Variants in RARB observed in about 807,000 individuals in gnomAD.
RARB encodes the protein retinoic acid receptor beta.
A neutral mutation model predicts 51.9 loss-of-function variants in RARB; 17 were observed. That is an observed-to-expected ratio of 0.33 (90% CI 0.22 to 0.49). RARB has a LOEUF of 0.49. RARB is among the 20% of genes least tolerant of loss of function. The probability of loss-of-function intolerance (pLI) is 0.99; values close to 1 mark genes in which losing one functional copy is unlikely to be tolerated. For missense variants in RARB, 369 were observed against 550.8 expected (o/e 0.67, Z 3.30); for synonymous variants, 215 against 195.4 (o/e 1.10, Z -0.84).
intron 1 of RARB, among the ~76,000 whole-genome samples, chr3:24,844,424 G>T (rs76706747): frequency 4.9e-4 from 74 of 152,238 alleles, no homozygotes; most frequent in African/African-American, 1.6e-3. Context: ...ATTTTCCCAC[G>T]TCTGCAACTA....
At chr3:24,991,869 G>T (rs1468186867) in intron 2 of RARB, among the ~76,000 whole-genome samples, 2 of 151,734 alleles carry the variant, frequency 1.3e-5, no homozygotes, top group African/African-American at 4.8e-5. Context: ...CTTGGTACCA[G>T]TCTGTTCCCT....
chr3:24,992,843 T>C (rs1038390168), intron 2 of RARB, among the ~76,000 whole-genome samples: 2 of 151,994 alleles, frequency 1.3e-5, no homozygotes, highest in South Asian at 2.1e-4. Context: ...CATTTTGAAG[T>C]AGCATTAGGG....
rs58891196 is a variant in RARB at position 25,491,940 on chromosome 3, C to CAA, written c.307-9228_307-9227dup. 4.9e-5 allele frequency among the ~76,000 whole-genome samples: 7 copies of CAA among 143,384 alleles called. 1 individual carries two copies. The highest frequency in any genetic ancestry group is 1.7e-4 in the African/African-American group (7 of 40,268). 94.1% of individuals were successfully genotyped at this position (143,384 alleles called of 152,430 possible). On this transcript the variant is annotated intron_variant, in intron 2 of 7. Transcript: ENST00000330688. ...TGGGCAACAAAGTGAGACTCTGTCTCAAAAAAAAAAAAAAATTATAAAATT... is the reference window on the plus strand; with the variant it reads ...TGGGCAACAAAGTGAGACTCTGTCTCAAAAAAAAAAAAAAAAATTATAAAATT...
At chr3:25,210,157 C>T (rs1451597947) in intron 5 of RARB, among the ~76,000 whole-genome samples, 1 of 152,128 alleles carries the variant, frequency 6.6e-6, no homozygotes, top group African/African-American at 2.4e-5. Context: ...TAGATACTAG[C>T]TAGCAGAAAA....
At chr3:25,226,705 A>G (rs1402945391) in intron 5 of RARB, among the ~76,000 whole-genome samples, 1 of 152,136 alleles carries the variant, frequency 6.6e-6, no homozygotes, top group Non-Finnish European at 1.5e-5. Flanking sequence ...ATCTCCCTTC[A>G]CTTTTCTGGG....
At chr3:25,081,623 T>TATATATA (rs1559459573) in intron 3 of RARB, among the ~76,000 whole-genome samples, 1 of 23,440 alleles carries the variant, frequency 4.3e-5, no homozygotes, top group Non-Finnish European at 9.4e-5. Flanking sequence ...ATATATATAT[T>TATATATA]TTTTTTTTTT....
chr3:25,224,764 C>G (rs1702018556), intron 5 of RARB, among the ~76,000 whole-genome samples: 1 of 151,974 alleles, frequency 6.6e-6, no homozygotes, highest in Non-Finnish European at 1.5e-5. Flanking sequence ...TGCCACCACA[C>G]CTGGCTAGTT....
intron 5 of RARB, among the ~76,000 whole-genome samples, chr3:25,249,275 TG>T (rs1425036762): frequency 6.6e-6 from 1 of 152,136 alleles, no homozygotes; most frequent in Non-Finnish European, 1.5e-5. Flanking sequence ...TTTCAGAATT[TG>T]TTTGGTTCTT....
rs80094952 is a variant in RARB, at chr3:25,364,626, G to A, written c.179-96567G>A. On this transcript the variant is annotated intron_variant, in intron 5 of 11. Coordinates refer to the RARB transcript ENST00000383772. ...GGCTTGAGTGTGTGATGAAGTAAGA[G>A]AGCAATGGAAGACTTGTTTGGGCTG... 8.5e-3 allele frequency among the ~76,000 whole-genome samples: 1,300 copies of A among 152,346 alleles called. 10 individuals carry two copies. Among genetic ancestry groups the A allele is most frequent in the African/African-American group, 0.017 (719 of 41,574 alleles).
At chr3:24,901,970 C>A (rs1312141716) in intron 2 of RARB, among the ~76,000 whole-genome samples, 1 of 151,346 alleles carries the variant, frequency 6.6e-6, no homozygotes, top group Non-Finnish European at 1.5e-5. Flanking sequence ...TACTTTTGCA[C>A]CAACCTAATA....
intron 2 of RARB, among the ~76,000 whole-genome samples, chr3:24,913,738 T>C (rs922153187): frequency 1.3e-5 from 2 of 152,200 alleles, no homozygotes; most frequent in Non-Finnish European, 2.9e-5. Flanking sequence ...AATTAATCTT[T>C]ACAGTCCCAT....
intron 2 of RARB, among the ~76,000 whole-genome samples, chr3:24,943,051 A>G (rs1474045450): frequency 6.6e-6 from 1 of 152,226 alleles, no homozygotes; most frequent in Non-Finnish European, 1.5e-5. Context: ...AAGACTGGCC[A>G]CTGTGGATTC....
chr3:24,930,806 A>G (rs574930996), intron 2 of RARB, among the ~76,000 whole-genome samples: 1 of 152,174 alleles, frequency 6.6e-6, no homozygotes, highest in African/African-American at 2.4e-5. Flanking sequence ...GCCAGGAGTT[A>G]GAGACCAGAC....
intron 5 of RARB, among the ~76,000 whole-genome samples, chr3:25,408,851 T>C (rs530124911): frequency 6.6e-6 from 1 of 152,220 alleles, no homozygotes; most frequent in South Asian, 2.1e-4. Flanking sequence ...CTGGCCATCA[T>C]AGTGAAATGC....
chr3:25,173,264 T>C (rs934620157), intron 4 of RARB, among the ~76,000 whole-genome samples: 1 of 152,198 alleles, frequency 6.6e-6, no homozygotes, highest in East Asian at 1.9e-4. Context: ...TCTTTAACAA[T>C]ATGACCTCAA....
chr3:25,433,411 C>A (rs1440140214), intron 1 of RARB, among the ~76,000 whole-genome samples: 1 of 152,182 alleles, frequency 6.6e-6, no homozygotes, highest in Non-Finnish European at 1.5e-5. Context: ...TTCTTATGAA[C>A]ATGAATTCCT....
Position 25,490,017 on chromosome 3 carries a change from T to C in RARB, c.307-11165T>C, listed in dbSNP as rs373196404. On this transcript the variant is annotated intron_variant, in intron 2 of 7. Coordinates refer to ENST00000330688, the MANE Select transcript of RARB (RefSeq NM_000965.5). Reference sequence around the variant, plus strand: ...TTCTCAATAAACTTAGTGAGATTTTTGCACTGTCAGAGCAGTGTCTGTGGT... The same window carrying C: ...TTCTCAATAAACTTAGTGAGATTTTCGCACTGTCAGAGCAGTGTCTGTGGT... 7.2e-5 allele frequency among the ~76,000 whole-genome samples: 11 copies of C among 152,242 alleles called. No homozygotes were observed. In the East Asian group the frequency reaches 9.6e-4, roughly 13 times the overall value.
intron 3 of RARB, among the ~76,000 whole-genome samples, chr3:25,092,864 C>G (rs1228088141): frequency 6.6e-6 from 1 of 152,066 alleles, no homozygotes; most frequent in African/African-American, 2.4e-5. Context: ...TATTCAGTCT[C>G]TCATGTTCAT....
intron 5 of RARB, among the ~76,000 whole-genome samples, chr3:25,389,489 G>A (rs1706887643): frequency 6.6e-6 from 1 of 152,162 alleles, no homozygotes; most frequent in Non-Finnish European, 1.5e-5. Flanking sequence ...GCCAGCAATA[G>A]GACCAACTCA....
Sources: gnomAD v4.1 joint callset for allele counts (sites outside exome capture counted in the v4.1 genomes callset) on GRCh38, gnomAD v4.1.1 for gene constraint, MANE v1.5 for transcripts, NCBI Gene and HGNC (gene_info 2026-07-23, HGNC 2026-07-21) for gene names.